The following DDX21 variants were observed in gnomAD, a reference collection of about 807,000 sequenced individuals.
The protein encoded by DDX21 is DExD-box helicase 21, also known as nucleolar RNA helicase 2.
In DDX21, 18 loss-of-function variants were observed where a neutral mutation model predicts 90.0. That is an observed-to-expected ratio of 0.20 (90% CI 0.14 to 0.30). DDX21 has a LOEUF of 0.30. Ranked by LOEUF, DDX21 falls within the 10% of genes least tolerant of loss-of-function variation. The probability of loss-of-function intolerance (pLI) is 1.00; values close to 1 mark genes in which losing one functional copy is unlikely to be tolerated. For synonymous variants in DDX21, 294 were observed against 318.0 expected, an observed-to-expected ratio of 0.92 and a Z score of 0.80; for missense variants, 673 against 944.5, an observed-to-expected ratio of 0.71 and a Z score of 3.77.
In DDX21 at chr10:68,970,288, A is replaced by G. The variant is rs759923784; in HGVS notation, c.1324A>G (p.Ile442Val). The change falls in exon 8 of 15, where the codon ATC (isoleucine) becomes GTC (valine). Residue 442 changes from isoleucine to valine, a missense_variant. Transcript: ENST00000354185. ...RVYSGHQGRT[I>V]IFCETKKEAQ... ...ATATAGTGGTCATCAAGGACGCACT[A>G]TCATCTTTTGTGAAACCAAGAAAGA... 1 of 1,614,116 alleles carries G rather than the reference A, an allele frequency of 6.2e-7. No individual in the cohort carries two copies. The highest frequency in any genetic ancestry group is 8.5e-7 in the Non-Finnish European group (1 of 1,179,998).
intron 13 of DDX21, among the ~76,000 whole-genome samples, chr10:68,981,322 G>C (rs1277308664): frequency 6.6e-6 from 1 of 152,156 alleles, no homozygotes. Flanking sequence ...TAAATCATTT[G>C]GGGTTCTTTT....
At chr10:68,968,348 C>T (rs1044640751) in intron 6 of DDX21, among the ~76,000 whole-genome samples, 3 of 152,124 alleles carry the variant, frequency 2.0e-5, no homozygotes, top group African/African-American at 4.8e-5. Context: ...GAGACAGGGT[C>T]TCACTGTGTT....
At chr10:68,966,092 C>T (rs1215826133) in intron 5 of DDX21, among the ~76,000 whole-genome samples, 2 of 150,624 alleles carry the variant, frequency 1.3e-5, no homozygotes, top group Non-Finnish European at 3.0e-5. Context: ...GGCAGGAGAT[C>T]GAGACCATCC....
At position 68,956,284 on chromosome 10, in the gene DDX21, G is replaced by A. The variant is rs1213173460; in HGVS notation, c.59G>A (p.Gly20Glu). Residue 20 changes from glycine (G) to glutamate (E), a missense_variant, in exon 1 of 15, where the codon GGG (glycine) becomes GAG (glutamate). This residue lies in a region of DDX21 where 204 missense variants were observed against 221.6 expected (regional missense o/e 0.92). Coordinates refer to ENST00000354185, the MANE Select transcript of DDX21 (RefSeq NM_004728.4). ...GLESDTAMKKGETLRKQTEEK... is the reference protein window; with the variant it reads ...GLESDTAMKKEETLRKQTEEK... ...GAATCAGACACCGCAATGAAAAAAG[G>A]GGAGACACTGCGAAAGCAAACCGAG... 5 of 1,614,216 alleles carry A rather than the reference G, an allele frequency of 3.1e-6. No individual in the cohort carries two copies. Among genetic ancestry groups the A allele is most frequent in the Non-Finnish European group, 3.4e-6 (4 of 1,180,038 alleles).
At position 68,965,509 on chromosome 10, in the gene DDX21, A is replaced by G; in HGVS notation, c.904+15A>G. ...TGGAGGTCAATGTGAGTACATTCAAAAAGTGAGGGAGGTATAATGCCACCC... is the reference window on the plus strand; with the variant it reads ...TGGAGGTCAATGTGAGTACATTCAAGAAGTGAGGGAGGTATAATGCCACCC... On this transcript the variant is annotated intron_variant, in intron 5 of 14. Transcript: ENST00000354185. 6.3e-7 allele frequency: 1 copy of G among 1,586,488 alleles called. No homozygotes were observed. The highest frequency in any genetic ancestry group is 8.6e-7 in the Non-Finnish European group (1 of 1,156,906).
Position 68,959,982 on chromosome 10 carries a change from T to G in DDX21, c.264T>G (p.Ile88Met). ...KKKEEPSQND[I>M]SPKTKSLRKK... Reference sequence around the variant, plus strand: ...AAGAGGAGCCATCTCAAAATGACATTTCTCCTAAAACCAAAAGTTTGAGAA... The same window carrying G: ...AAGAGGAGCCATCTCAAAATGACATGTCTCCTAAAACCAAAAGTTTGAGAA... The change falls in exon 2 of 15, where the codon ATT becomes ATG. Residue 88 changes from isoleucine to methionine, a missense_variant. Physicochemically the swap from Ile to Met is conservative, Grantham distance 10 (BLOSUM62 1). This residue lies in a region of DDX21 where 204 missense variants were observed against 221.6 expected (regional missense o/e 0.92). Transcript: ENST00000354185. The G allele has an allele frequency of 6.2e-7, 1 of 1,609,912 alleles. No individual in the cohort carries two copies. Among genetic ancestry groups the G allele is most frequent in the Non-Finnish European group, 8.5e-7 (1 of 1,179,360 alleles).
chr10:68,960,082 G>A lies in DDX21; in HGVS notation c.364G>A (p.Glu122Lys), dbSNP rs773330252. 3.1e-6 allele frequency: 5 copies of A among 1,611,428 alleles called. No homozygotes were observed. In the African/African-American group the frequency reaches 6.7e-5, roughly 22 times the overall value. The change falls in exon 2 of 15, where the codon GAG becomes AAG. Residue 122 changes from glutamate (E) to lysine (K), a missense_variant. Glu to Lys is a moderately conservative substitution (Grantham distance 56). This residue lies in a region of DDX21 where 204 missense variants were observed against 221.6 expected (regional missense o/e 0.92). Coordinates refer to ENST00000354185, the MANE Select transcript of DDX21 (RefSeq NM_004728.4). The part of the protein sequence containing the change: ...KKVTKNEEPS[E>K]EEIDAPKPKK... Reference sequence around the variant, plus strand: ...AGTGACAAAAAATGAGGAGCCTTCTGAGGAAGAAATAGATGCTCCTAAGCC... The same window carrying A: ...AGTGACAAAAAATGAGGAGCCTTCTAAGGAAGAAATAGATGCTCCTAAGCC...
chr10:68,980,058 T>C (rs947380563), intron 13 of DDX21, among the ~76,000 whole-genome samples: 1 of 152,044 alleles, frequency 6.6e-6, no homozygotes, highest in African/African-American at 2.4e-5. Context: ...CTGACCAACA[T>C]GGAGAAAACC....
At chr10:68,966,123 C>T (rs991250532) in intron 5 of DDX21, among the ~76,000 whole-genome samples, 2 of 151,414 alleles carry the variant, frequency 1.3e-5, no homozygotes, top group South Asian at 2.1e-4. Flanking sequence ...GGTAAAACCC[C>T]GTCTCTACTA....
intron 11 of DDX21, 139 bp downstream of exon 11, chr10:68,974,882 G>A: frequency 1.7e-6 from 1 of 594,124 alleles, no homozygotes; most frequent in East Asian, 3.1e-5. Flanking sequence ...TGCCCAGGCT[G>A]GTCTCAACTC....
chr10:68,968,035 C>G (rs549919031), intron 6 of DDX21, among the ~76,000 whole-genome samples: 15 of 152,224 alleles, frequency 9.9e-5, no homozygotes, highest in Admixed American at 9.8e-4. Flanking sequence ...TGTGCGCCAC[C>G]ATGCCCAGCT....
In DDX21 at chr10:68,985,042, T is replaced by A. The variant is rs1213112423; in HGVS notation, c.*2230T>A. On this transcript the variant is annotated 3_prime_UTR_variant, in exon 15 of 15. Transcript: ENST00000354185. ...AGCTAATGTATAAAATACTGCTGTA[T>A]ACCATAATAAAGATAGTAATACTTG... is the stretch of plus-strand genomic sequence containing the variant. 2 of 152,214 alleles carry A rather than the reference T, an allele frequency of 1.3e-5. No individual in the cohort carries two copies. The highest frequency in any genetic ancestry group is 2.9e-5 in the Non-Finnish European group (2 of 68,034). The allele number at this position is 152,214 out of a possible 1,614,324, so 9.4% of individuals were successfully genotyped here.
chr10:68,979,227 C>T (rs1351411322), intron 13 of DDX21, among the ~76,000 whole-genome samples: 1 of 152,202 alleles, frequency 6.6e-6, no homozygotes, highest in Non-Finnish European at 1.5e-5. Context: ...ACCTAAATAG[C>T]TTATTTAAAG....
At chr10:68,974,801 T>C in intron 11 of DDX21, 58 bp downstream of exon 11, 1 of 1,464,482 alleles carries the variant, frequency 6.8e-7, no homozygotes, top group Admixed American at 2.0e-5. Flanking sequence ...ACTGCATGTC[T>C]TTGTACAGTA....
intron 1 of DDX21, chr10:68,956,739 T>A: frequency 9.8e-7 from 1 of 1,023,038 alleles, no homozygotes. Context: ...AAGTTACACG[T>A]CAAGTCAAAG....
At chr10:68,970,663 A>T (rs1224477781) in intron 8 of DDX21, among the ~76,000 whole-genome samples, 1 of 149,550 alleles carries the variant, frequency 6.7e-6, no homozygotes, top group African/African-American at 2.5e-5. Context: ...TTTTTTCTTT[A>T]TTTTTTTGAG....
rs115804856 is a variant in DDX21, at chr10:68,975,332, A to G, written c.1742+589A>G. Reference sequence around the variant, plus strand: ...GTGCTGCTGGCATTGGAGGCAAGAGAATTATTTTTTATGGGATTGTCCTGC... The same window carrying G: ...GTGCTGCTGGCATTGGAGGCAAGAGGATTATTTTTTATGGGATTGTCCTGC... On this transcript the variant is annotated intron_variant, in intron 11 of 14. Transcript: ENST00000354185. 3.2e-3 allele frequency among the ~76,000 whole-genome samples: 493 copies of G among 152,232 alleles called. 7 individuals are homozygous for G. The highest frequency in any genetic ancestry group is 0.011 in the African/African-American group (462 of 41,524).
intron 11 of DDX21, among the ~76,000 whole-genome samples, chr10:68,977,046 G>A (rs1843111444): frequency 1.3e-5 from 2 of 151,872 alleles, no homozygotes; most frequent in African/African-American, 4.8e-5. Flanking sequence ...AAGTAGCTGG[G>A]ACTACAGGCA....
chr10:68,981,661 G>A (rs1462534515), intron 14 of DDX21, 80 bp downstream of exon 14: 7 of 1,231,838 alleles, frequency 5.7e-6, no homozygotes, highest in Non-Finnish European at 2.3e-6. Context: ...ATAATAGATT[G>A]GGAAACAATA....
Sources: gnomAD v4.1 joint callset for allele counts (sites outside exome capture counted in the v4.1 genomes callset) on GRCh38, gnomAD v4.1.1 for gene constraint, gnomAD v4.1.1 regional missense constraint, MANE v1.5 for transcripts, NCBI Gene and HGNC (gene_info 2026-07-23, HGNC 2026-07-21) for gene names.